The following EPHB1 variants were observed in gnomAD, a reference collection of about 807,000 sequenced individuals.
The protein encoded by EPHB1 is EPH receptor B1, also known as ephrin type-B receptor 1.
A neutral mutation model predicts 94.4 loss-of-function variants in EPHB1; 30 were observed. That is an observed-to-expected ratio of 0.32 (90% CI 0.24 to 0.43). The LOEUF (loss-of-function observed/expected upper bound fraction) is 0.43. Among genes scored for constraint, EPHB1 ranks in the 20% least tolerant of loss-of-function variants. The pLI, the probability that EPHB1 is intolerant of heterozygous loss-of-function variation, is 1.00. For synonymous variants in EPHB1, 522 were observed against 489.1 expected, an observed-to-expected ratio of 1.07 and a Z score of -0.89; for missense variants, 1,055 against 1,308.3, an observed-to-expected ratio of 0.81 and a Z score of 2.99.
intron 4 of EPHB1, among the ~76,000 whole-genome samples, chr3:135,129,329 A>G (rs73862015): frequency 0.029 from 4,452 of 151,942 alleles, 219 homozygotes; most frequent in African/African-American, 0.1. Context: ...TAGATGAGAG[A>G]CTGGGCAAAA....
intron 12 of EPHB1, among the ~76,000 whole-genome samples, chr3:135,239,203 C>T (rs940592720): frequency 6.6e-6 from 1 of 152,178 alleles, no homozygotes; most frequent in Non-Finnish European, 1.5e-5. Flanking sequence ...GGATGTGTGC[C>T]TGGGGAGGTC....
chr3:134,978,920 T>G (rs1934301294), intron 3 of EPHB1, among the ~76,000 whole-genome samples: 1 of 152,210 alleles, frequency 6.6e-6, no homozygotes, highest in Non-Finnish European at 1.5e-5. Context: ...CCATCTGGCT[T>G]CAGAGGAGTA....
intron 3 of EPHB1, among the ~76,000 whole-genome samples, chr3:135,048,267 T>C (rs547387059): frequency 5.2e-4 from 69 of 132,110 alleles, no homozygotes; most frequent in South Asian, 1.9e-3. Context: ...TTCTTTTTTT[T>C]TTTTTTTTTT....
chr3:135,150,260 T>C (rs1412068745), intron 5 of EPHB1, among the ~76,000 whole-genome samples: 1 of 152,218 alleles, frequency 6.6e-6, no homozygotes, highest in Non-Finnish European at 1.5e-5. Flanking sequence ...AACATGTAAA[T>C]TGTGCCTCCG....
In EPHB1 at chr3:134,807,874, G is replaced by A. The variant is rs114834747; in HGVS notation, c.58+12185G>A. 7.9e-4 allele frequency among the ~76,000 whole-genome samples: 120 copies of A among 152,232 alleles called. 1 individual carries two copies. Among genetic ancestry groups the A allele is most frequent in the Non-Finnish European group, 1.4e-3 (97 of 68,022 alleles). On this transcript the variant is annotated intron_variant, in intron 1 of 15. Transcript: ENST00000398015. ...CAGTGTGACAGAGGAGCTCCCTGACGGAAATGAGACACAGAGAAATGCAGC... is the reference window on the plus strand; with the variant it reads ...CAGTGTGACAGAGGAGCTCCCTGACAGAAATGAGACACAGAGAAATGCAGC...
chr3:134,951,709 G>A lies in EPHB1; in HGVS notation c.462G>A (p.Arg154=), dbSNP rs1180059421. The change falls in exon 3 of 16, where the codon AGG becomes AGA. Residue 154 remains arginine, a synonymous_variant. Coordinates refer to ENST00000398015, the MANE Select transcript of EPHB1 (RefSeq NM_004441.5). The surrounding 1 kb of genome is among the most constrained non-coding windows in gnomAD (Gnocchi z 4.5). ...TCTCCCAGGTGGACTTTGGGGGAAG[G>A]CTGATGAAGGTAAACACAGAAGTCA... ...ESFSQVDFGG[R]LMKVNTEVRS... 1.2e-6 allele frequency: 2 copies of A among 1,614,102 alleles called. No homozygotes were observed. Among genetic ancestry groups the A allele is most frequent in the Non-Finnish European group, 1.7e-6 (2 of 1,179,968 alleles).
At chr3:135,100,315 C>T (rs1223436988) in intron 3 of EPHB1, among the ~76,000 whole-genome samples, 2 of 152,144 alleles carry the variant, frequency 1.3e-5, no homozygotes, top group African/African-American at 4.8e-5. Flanking sequence ...GCACCCTCCA[C>T]ATCTGAAAAT....
intron 3 of EPHB1, among the ~76,000 whole-genome samples, chr3:135,085,213 TA>T (rs1437949526): frequency 6.6e-6 from 1 of 152,172 alleles, no homozygotes; most frequent in African/African-American, 2.4e-5. Flanking sequence ...GTTAGTTGAT[TA>T]ACACAAAGAG....
At chr3:134,933,321 G>A (rs1309251437) in intron 2 of EPHB1, among the ~76,000 whole-genome samples, 1 of 152,024 alleles carries the variant, frequency 6.6e-6, no homozygotes, top group East Asian at 1.9e-4. Context: ...CTCCTCCTGG[G>A]TCCCCCAGTA....
rs1303765032 is a variant in EPHB1 at position 135,260,231 on chromosome 3, A to G, written c.*1111A>G. 1 of 232,902 alleles carries G rather than the reference A, an allele frequency of 4.3e-6. No homozygotes were observed. The highest frequency in any genetic ancestry group is 5.6e-5 in the Admixed American group (1 of 17,762). The allele number at this position is 232,902 out of a possible 1,614,324, so 14.4% of individuals were successfully genotyped here. A position where few individuals can be genotyped will look rare whatever the true frequency, so the allele number is the denominator to read the frequency against. On this transcript the variant is annotated 3_prime_UTR_variant, in exon 16 of 16. Transcript: ENST00000398015. ...ACTGGAATCTGCAATTCAAGAAGTG[A>G]CAAGGGAGAATTCTTGCTTTACCTA...
intron 1 of EPHB1, among the ~76,000 whole-genome samples, chr3:134,811,242 G>GGTTTTTT (rs2036168294): frequency 1.4e-4 from 10 of 73,848 alleles, no homozygotes; most frequent in African/African-American, 3.8e-4. Flanking sequence ...TACTAAGAAG[G>GGTTTTTT]TTTTTTTTTT....
At chr3:135,053,911 G>A (rs1453659604) in intron 3 of EPHB1, among the ~76,000 whole-genome samples, 1 of 152,010 alleles carries the variant, frequency 6.6e-6, no homozygotes, top group African/African-American at 2.4e-5. Context: ...AGGATAGTTT[G>A]AGCCCACGAG....
intron 1 of EPHB1, among the ~76,000 whole-genome samples, chr3:134,860,793 G>GA (rs1472636879): frequency 1.8e-5 from 1 of 55,164 alleles, no homozygotes; most frequent in African/African-American, 4.0e-5. Flanking sequence ...AGCCTGGCCA[G>GA]GTGACAAAAA....
intron 4 of EPHB1, among the ~76,000 whole-genome samples, chr3:135,112,496 G>A (rs1404953778): frequency 2.6e-5 from 4 of 151,598 alleles, no homozygotes; most frequent in Admixed American, 6.6e-5. Context: ...CCATTAACTT[G>A]TCATTTAGCA....
chr3:135,248,280 C>A (rs752271132), intron 13 of EPHB1, 36 bp from the exon 14 acceptor site: 2 of 1,491,710 alleles, frequency 1.3e-6, no homozygotes, highest in African/African-American at 1.4e-5. Context: ...TGGTGGCAGT[C>A]ACTCAATCAC....
chr3:135,254,423 AG>A (rs1159036706), intron 15 of EPHB1, among the ~76,000 whole-genome samples: 6 of 119,180 alleles, frequency 5.0e-5, no homozygotes, highest in African/African-American at 9.2e-5. Flanking sequence ...TTTAGCATGA[AG>A]GGTTGTTGAA....
At chr3:135,040,639 T>G (rs1341261116) in intron 3 of EPHB1, among the ~76,000 whole-genome samples, 1 of 152,232 alleles carries the variant, frequency 6.6e-6, no homozygotes, top group African/African-American at 2.4e-5. Flanking sequence ...AAGGAGCTGC[T>G]GTTGAGGATG....
rs1219020013 is a variant in EPHB1 at position 135,258,908 on chromosome 3, G to A, written c.2847-104G>A. Reference sequence around the variant, plus strand: ...GTAAACTTAAGCTAGTTGGATTTTTGTAGCATGGCTACTTCCCAAGAACAT... The same window carrying A: ...GTAAACTTAAGCTAGTTGGATTTTTATAGCATGGCTACTTCCCAAGAACAT... On this transcript the variant is annotated intron_variant, in intron 15 of 15. Coordinates refer to ENST00000398015, the MANE Select transcript of EPHB1 (RefSeq NM_004441.5). 4.9e-6 allele frequency: 5 copies of A among 1,014,584 alleles called. No homozygotes were observed. The East Asian group carries it at 7.9e-5, about 16-fold the overall frequency. The allele number at this position is 1,014,584 out of a possible 1,614,324, so 62.8% of individuals were successfully genotyped here.
chr3:135,184,961 C>T (rs72630178), intron 10 of EPHB1, among the ~76,000 whole-genome samples: 8,477 of 152,264 alleles, frequency 0.056, 368 homozygotes, highest in East Asian at 0.23. Context: ...GAATGGCACT[C>T]CTGGGTGCAG....
Sources: gnomAD v4.1 joint callset for allele counts (sites outside exome capture counted in the v4.1 genomes callset) on GRCh38, gnomAD v4.1.1 for gene constraint, Gnocchi (gnomAD v3.1) non-coding constraint, MANE v1.5 for transcripts, NCBI Gene and HGNC (gene_info 2026-07-23, HGNC 2026-07-21) for gene names.